KCNK4: variants seen among roughly 807,000 people sequenced by gnomAD.
KCNK4 encodes the protein potassium channel subfamily K member 4.
A neutral mutation model predicts 28.8 loss-of-function variants in KCNK4; 22 were observed. The observed-to-expected ratio is 0.76, with a 90% CI of 0.55 to 1.09. The LOEUF (loss-of-function observed/expected upper bound fraction) is 1.09. KCNK4 is among the 50% of genes least tolerant of loss of function. The probability of loss-of-function intolerance (pLI) is 0.00; values close to 1 mark genes in which losing one functional copy is unlikely to be tolerated. For missense variants in KCNK4, 483 were observed against 546.3 expected, an observed-to-expected ratio of 0.88 and a Z score of 1.15; for synonymous variants, 263 against 252.9, an observed-to-expected ratio of 1.04 and a Z score of -0.38.
intron 2 of KCNK4, among the ~76,000 whole-genome samples, chr11:64,294,385 G>A (rs1281947192): frequency 1.3e-5 from 2 of 151,890 alleles, no homozygotes; most frequent in Non-Finnish European, 2.9e-5. Flanking sequence ...GGGTGTGGTG[G>A]TGCATGCCTG....
intron 5 of KCNK4, 86 bp from the exon 6 acceptor site, chr11:64,298,024 C>A: frequency 6.6e-7 from 1 of 1,509,706 alleles, no homozygotes; most frequent in South Asian, 1.3e-5. Context: ...AGGTCCTCTC[C>A]AGGAACTGGG....
Position 64,299,662 on chromosome 11 carries a change from C to A in KCNK4, c.1118C>A (p.Pro373His). Residue 373 changes from proline (P) to histidine (H), a missense_variant, in exon 7 of 7, where the codon CCC becomes CAC. Coordinates refer to ENST00000422670, the MANE Select transcript of KCNK4 (RefSeq NM_033310.3). The stretch of plus-strand genomic sequence containing the variant: ...CCGAGAGGTCGCCGCCGCCCAAATC[C>A]CCCCAGGAAGCCCGTGCGGCCCCGC... ...RAPRGRRRPN[P>H]PRKPVRPRGP... 1 of 1,607,700 alleles carries A rather than the reference C, an allele frequency of 6.2e-7. No homozygotes were observed. The highest frequency in any genetic ancestry group is 2.2e-5 in the East Asian group (1 of 44,630).
intron 1 of KCNK4, chr11:64,292,007 C>A (rs1258165686): frequency 8.4e-7 from 1 of 1,186,990 alleles, no homozygotes; most frequent in East Asian, 9.9e-5. Context: ...TGCTGTCTGG[C>A]GTGTGCACGC....
At chr11:64,292,132 G>A in intron 1 of KCNK4, 1 of 990,046 alleles carries the variant, frequency 1.0e-6, no homozygotes, top group Non-Finnish European at 1.2e-6. Context: ...CGTGCGTGCA[G>A]CGGGGCGGCG....
intron 2 of KCNK4, 25 bp from the exon 3 acceptor site, chr11:64,296,853 C>A (rs769758330): frequency 2.0e-6 from 3 of 1,499,444 alleles, no homozygotes; most frequent in Non-Finnish European, 2.7e-6. Flanking sequence ...AACTGAAGCT[C>A]CTCCTTCTGC....
At chr11:64,299,286 C>CG in intron 6 of KCNK4, 60 bp from the exon 7 acceptor site, 3 of 1,405,888 alleles carry the variant, frequency 2.1e-6, no homozygotes, top group East Asian at 2.8e-5. Context: ...GGCAGGTTCC[C>CG]GGGGGGTCGC....
At chr11:64,295,950 A>G (rs754090133) in intron 2 of KCNK4, 4 of 152,108 alleles carry the variant, frequency 2.6e-5, no homozygotes, top group Non-Finnish European at 5.9e-5. Flanking sequence ...AGCACTCTCA[A>G]AATAGTCCCT....
intron 6 of KCNK4, 53 bp downstream of exon 6, chr11:64,298,302 G>T: frequency 6.2e-7 from 1 of 1,600,352 alleles, no homozygotes; most frequent in Non-Finnish European, 8.5e-7. Context: ...CAAATGTGCT[G>T]TTCCCTAGCA....
chr11:64,297,891 T>G (rs1022049029), intron 5 of KCNK4, among the ~76,000 whole-genome samples: 2 of 152,216 alleles, frequency 1.3e-5, no homozygotes, highest in Non-Finnish European at 2.9e-5. Flanking sequence ...ATGTGTCACA[T>G]TCTTGCACGG....
In KCNK4 at chr11:64,298,234, C is replaced by A. The variant is rs570855718; in HGVS notation, c.786C>A (p.Arg262=). 3 of 1,612,750 alleles carry A rather than the reference C, an allele frequency of 1.9e-6. No individual in the cohort carries two copies. In the South Asian group the frequency reaches 3.3e-5, roughly 18 times the overall value. The change falls in exon 6 of 7, where the codon CGC becomes CGA. Residue 262 remains arginine, a synonymous_variant. Coordinates refer to ENST00000422670, the MANE Select transcript of KCNK4 (RefSeq NM_033310.3). ...GGAACTGGCTGCGAGTAGTGTCCCG[C>A]CGCACTCGGGCAGAGGTAGGCGCCC... The part of the protein sequence containing the change: ...TIGNWLRVVS[R]RTRAEMGGLT...
Position 64,298,132 on chromosome 11 carries a change from C to A in KCNK4, c.684C>A (p.Ser228=), listed in dbSNP as rs144212286. The change falls in exon 6 of 7, where the codon TCC becomes TCA. Residue 228 remains serine, a synonymous_variant. Coordinates refer to ENST00000422670, the MANE Select transcript of KCNK4 (RefSeq NM_033310.3). Reference sequence around the variant, plus strand: ...CAGGCGCGGACCCCAGGCAGGACTCCCCGGCCTATCAGCCGCTGGTGTGGT... The same window carrying A: ...CAGGCGCGGACCCCAGGCAGGACTCACCGGCCTATCAGCCGCTGGTGTGGT... ...YVAGADPRQD[S]PAYQPLVWFW... The A allele has an allele frequency of 2.2e-4, 350 of 1,613,824 alleles. 2 individuals are homozygous for A. The highest frequency in any genetic ancestry group is 1.3e-3 in the Middle Eastern group (8 of 6,062).
Position 64,297,507 on chromosome 11 carries a change from C to T in KCNK4, c.515C>T (p.Ala172Val), listed in dbSNP as rs1565369746. Reference sequence around the variant, plus strand: ...CCGGAGCTAGTAAGAGTGCTGTCGGCGATGCTTTTCCTGCTGATCGGCTGC... The same window carrying T: ...CCGGAGCTAGTAAGAGTGCTGTCGGTGATGCTTTTCCTGCTGATCGGCTGC... ...VPPELVRVLSAMLFLLIGCLL... is the reference protein window; with the variant it reads ...VPPELVRVLSVMLFLLIGCLL... Residue 172 changes from alanine to valine, a missense_variant, in exon 5 of 7, where the codon GCG (alanine) becomes GTG (valine). Ala to Val is a moderately conservative substitution (Grantham distance 64). Transcript: ENST00000422670. 5 of 1,614,032 alleles carry T rather than the reference C, an allele frequency of 3.1e-6. No individual in the cohort carries two copies. The highest frequency in any genetic ancestry group is 1.3e-5 in the African/African-American group (1 of 74,906).
chr11:64,299,507 GC>G lies in KCNK4; in HGVS notation c.969del (p.Glu324ArgfsTer94). 1.9e-6 allele frequency: 3 copies of G among 1,608,314 alleles called. No homozygotes were observed. Among genetic ancestry groups the G allele is most frequent in the Admixed American group, 1.7e-5 (1 of 59,798 alleles). ...CGCTGGGCAGGCCCCGATCCCCTTC[GC>G]CCCCCGAGAAGGCTCAGCCGCCTTC... ...QPLGRPRSPS[P>X]PEKAQPPSPP... On this transcript the variant is annotated frameshift_variant, in exon 7 of 7. Coordinates refer to ENST00000422670, the MANE Select transcript of KCNK4 (RefSeq NM_033310.3). LOFTEE classifies it high-confidence loss of function.
At chr11:64,298,902 G>T (rs909204903) in intron 6 of KCNK4, among the ~76,000 whole-genome samples, 1 of 151,752 alleles carries the variant, frequency 6.6e-6, no homozygotes, top group South Asian at 2.1e-4. Context: ...TTACCTGGAC[G>T]TGGTGGCGGG....
intron 6 of KCNK4, 140 bp downstream of exon 6, chr11:64,298,389 C>A: frequency 9.7e-7 from 1 of 1,028,216 alleles, no homozygotes; most frequent in South Asian, 1.6e-5. Context: ...GTGTGTGCCC[C>A]GCAGGGAACA....
In KCNK4 at chr11:64,298,155, G is replaced by A; in HGVS notation, c.707G>A (p.Trp236Ter). The A allele has an allele frequency of 6.2e-7, 1 of 1,613,964 alleles. No individual in the cohort carries two copies. The highest frequency in any genetic ancestry group is 8.5e-7 in the Non-Finnish European group (1 of 1,180,032). ...TCCCCGGCCTATCAGCCGCTGGTGTGGTTCTGGATCCTGCTCGGCCTGGCT... is the reference window on the plus strand; with the variant it reads ...TCCCCGGCCTATCAGCCGCTGGTGTAGTTCTGGATCCTGCTCGGCCTGGCT... ...QDSPAYQPLV[W>*]FWILLGLAYF... Residue 236 changes from tryptophan (W) to a stop codon, truncating the protein, a stop_gained, in exon 6 of 7, where the codon TGG becomes TAG. Transcript: ENST00000422670. LOFTEE classifies it high-confidence loss of function.
At chr11:64,298,487 G>A (rs1268305313) in intron 6 of KCNK4, among the ~76,000 whole-genome samples, 1 of 152,168 alleles carries the variant, frequency 6.6e-6, no homozygotes, top group Non-Finnish European at 1.5e-5. Flanking sequence ...CAGAAAGCCA[G>A]CACAGGCAAC....
intron 2 of KCNK4, 66 bp from the exon 3 acceptor site, chr11:64,296,812 G>T: frequency 6.9e-7 from 1 of 1,458,568 alleles, no homozygotes; most frequent in Non-Finnish European, 9.0e-7. Flanking sequence ...GAGACTGGAG[G>T]GGCCACGAGT....
At position 64,299,442 on chromosome 11, in the gene KCNK4, G is replaced by C; in HGVS notation, c.898G>C (p.Glu300Gln). The C allele has an allele frequency of 6.3e-7, 1 of 1,596,742 alleles. No homozygotes were observed. The highest frequency in any genetic ancestry group is 8.5e-7 in the Non-Finnish European group (1 of 1,174,048). ...GCCCGCCGCCCCGCCGCCGGAGAAG[G>C]AGCAGCCACTGCTGCCTCCACCGCC... ...AGPAAPPPEK[E>Q]QPLLPPPPCP... Residue 300 changes from glutamate (E) to glutamine (Q), a missense_variant, in exon 7 of 7, where the codon GAG becomes CAG. Coordinates refer to ENST00000422670, the MANE Select transcript of KCNK4 (RefSeq NM_033310.3).
Sources: allele counts gnomAD v4.1 joint callset (sites outside exome capture counted in the v4.1 genomes callset), GRCh38; gene constraint gnomAD v4.1.1; transcripts MANE v1.5; gene names NCBI Gene and HGNC (gene_info 2026-07-23, HGNC 2026-07-21).